The following ZMYND8 variants were observed in gnomAD, a reference collection of about 807,000 sequenced individuals.
The protein encoded by ZMYND8 is MYND-type zinc finger-containing chromatin reader ZMYND8.
In ZMYND8, 37 loss-of-function variants were observed where a neutral mutation model predicts 140.8. The observed-to-expected ratio is 0.26, with a 90% CI of 0.20 to 0.35. The LOEUF (loss-of-function observed/expected upper bound fraction) is 0.35, where lower values mean the gene tolerates loss of function less well. Ranked by LOEUF, ZMYND8 falls within the 10% of genes least tolerant of loss-of-function variation. ZMYND8 has a pLI of 1.00. For synonymous variants in ZMYND8, 592 were observed against 597.1 expected, an observed-to-expected ratio of 0.99 and a Z score of 0.12; for missense variants, 1,068 against 1,570.0, an observed-to-expected ratio of 0.68 and a Z score of 5.40.
chr20:47,300,073 T>C (rs1431668345), intron 3 of ZMYND8, among the ~76,000 whole-genome samples: 1 of 152,158 alleles, frequency 6.6e-6, no homozygotes, highest in Admixed American at 6.6e-5. Flanking sequence ...CTCTTCCTGG[T>C]ATATTATGGA....
At chr20:47,251,493 A>G (rs1443437898) in intron 12 of ZMYND8, among the ~76,000 whole-genome samples, 3 of 151,976 alleles carry the variant, frequency 2.0e-5, no homozygotes, top group African/African-American at 7.3e-5. Flanking sequence ...AGGCCGAAGT[A>G]GGAGGACTGC....
At position 47,275,905 on chromosome 20, in the gene ZMYND8, G is replaced by A. The variant is rs1052914224; in HGVS notation, c.1480+409C>T. 3.9e-5 allele frequency among the ~76,000 whole-genome samples: 6 copies of A among 152,210 alleles called. No individual in the cohort carries two copies. In the East Asian group the frequency reaches 7.7e-4, roughly 20 times the overall value. On this transcript the variant is annotated intron_variant, in intron 11 of 22. Coordinates refer to ENST00000471951, the MANE Select transcript of ZMYND8 (RefSeq NM_001281775.3). ...ACTACAGGCATGAGCCACGGCGCCTGGTCAAGTATTATTTTTTATCATATG... is the reference window on the plus strand; with the variant it reads ...ACTACAGGCATGAGCCACGGCGCCTAGTCAAGTATTATTTTTTATCATATG...
intron 8 of ZMYND8, among the ~76,000 whole-genome samples, chr20:47,285,514 G>A (rs2076866823): frequency 6.6e-6 from 1 of 152,186 alleles, no homozygotes; most frequent in African/African-American, 2.4e-5. Context: ...CGTTTTTACA[G>A]ATCACATCGT....
chr20:47,334,094 A>G (rs1269775286), intron 2 of ZMYND8, among the ~76,000 whole-genome samples: 1 of 152,192 alleles, frequency 6.6e-6, no homozygotes, highest in African/African-American at 2.4e-5. Context: ...CTATTGTATA[A>G]TAGTGTTGAC....
chr20:47,296,156 T>TA (rs900367792), intron 4 of ZMYND8, among the ~76,000 whole-genome samples: 21 of 152,186 alleles, frequency 1.4e-4, no homozygotes, highest in African/African-American at 4.6e-4. Context: ...CCCCGAATCT[T>TA]AGACACAGAG....
rs2080302074 is a variant in ZMYND8, at chr20:47,325,075, T to A, written c.86-14871A>T. Among the ~76,000 whole-genome samples the A allele has an allele frequency of 2.6e-5, 4 of 152,166 alleles. No homozygotes were observed. In the South Asian group the frequency reaches 8.3e-4, roughly 32 times the overall value. ...GTGCGCCACCACGCCCAGCTAATTTTTGTATTTTTGGTAGAGACGGGGTTT... is the reference window on the plus strand; with the variant it reads ...GTGCGCCACCACGCCCAGCTAATTTATGTATTTTTGGTAGAGACGGGGTTT... On this transcript the variant is annotated intron_variant, in intron 2 of 22. Transcript: ENST00000471951.
intron 16 of ZMYND8, among the ~76,000 whole-genome samples, chr20:47,233,933 T>C (rs534920351): frequency 3.7e-4 from 56 of 152,284 alleles, no homozygotes; most frequent in African/African-American, 1.3e-3. Flanking sequence ...CCATCTGTAA[T>C]CCCCTCCCTC....
chr20:47,313,486 G>A (rs1385984340), intron 2 of ZMYND8, among the ~76,000 whole-genome samples: 3 of 152,002 alleles, frequency 2.0e-5, no homozygotes, highest in East Asian at 1.9e-4. Flanking sequence ...GCCGGGCGTG[G>A]TGGCGGGCGC....
rs1385601495 is a variant in ZMYND8 at position 47,210,811 on chromosome 20, T to C, written c.3655A>G (p.Thr1219Ala). ...GACTCTTTCGGGAGGAGGCTCTTCG[T>C]GCTGGTACTGGTGTTGTGATCGGAA... ...TRSDHNTSTS[T>A]KSLLPKESRL... The change falls in exon 23 of 23, where the codon ACG (threonine) becomes GCG (alanine). Residue 1219 changes from threonine to alanine, a missense_variant. Thr to Ala is a moderately conservative substitution (Grantham distance 58). Around this residue, in one of 10 missense-constraint regions of ZMYND8, gnomAD observed 180 missense variants for 187.8 expected, o/e 0.96. Transcript: ENST00000471951. The C allele has an allele frequency of 3.1e-6, 5 of 1,614,072 alleles. No homozygotes were observed. The highest frequency in any genetic ancestry group is 4.2e-6 in the Non-Finnish European group (5 of 1,180,050).
At chr20:47,247,599 A>G (rs1349479113) in intron 13 of ZMYND8, among the ~76,000 whole-genome samples, 3 of 152,236 alleles carry the variant, frequency 2.0e-5, no homozygotes, top group Non-Finnish European at 4.4e-5. Flanking sequence ...TGTAGATAAT[A>G]ATACCATATC....
intron 2 of ZMYND8, among the ~76,000 whole-genome samples, chr20:47,332,028 C>A (rs1385297126): frequency 6.6e-6 from 1 of 151,982 alleles, no homozygotes; most frequent in Non-Finnish European, 1.5e-5. Context: ...ATGGTGAAAC[C>A]CCGTCTCTAC....
intron 22 of ZMYND8, 117 bp downstream of exon 22, chr20:47,212,525 A>G (rs1267591876): frequency 8.2e-7 from 1 of 1,218,148 alleles, no homozygotes; most frequent in East Asian, 2.4e-5. Context: ...CCCACAACTC[A>G]AAAGAACAGG....
intron 17 of ZMYND8, among the ~76,000 whole-genome samples, chr20:47,228,337 C>G (rs2037993063): frequency 1.3e-5 from 2 of 152,110 alleles, no homozygotes; most frequent in African/African-American, 4.8e-5. Context: ...CCGAGAAAAC[C>G]TGATTAATTC....
intron 18 of ZMYND8, among the ~76,000 whole-genome samples, chr20:47,226,132 CAA>C (rs1022594991): frequency 9.0e-5 from 12 of 133,538 alleles, no homozygotes; most frequent in Admixed American, 6.2e-4. Context: ...ACATGGGAAA[CAA>C]GAGTGAGACT....
At chr20:47,287,851 C>T (rs867901106) in intron 7 of ZMYND8, among the ~76,000 whole-genome samples, 1 of 150,034 alleles carries the variant, frequency 6.7e-6, no homozygotes, top group Admixed American at 6.6e-5. Flanking sequence ...CACACACACA[C>T]GCACACACGC....
chr20:47,210,642 G>A lies in ZMYND8; in HGVS notation c.*119C>T. ...CCGCGCCGGGGGCTCAGGCTCAACT[G>A]AGGGTTTTGTCATTTTCAAGTCTGA... On this transcript the variant is annotated 3_prime_UTR_variant, in exon 23 of 23. Coordinates refer to ENST00000471951, the MANE Select transcript of ZMYND8 (RefSeq NM_001281775.3). The A allele has an allele frequency of 6.4e-7, 1 of 1,567,274 alleles. No individual in the cohort carries two copies. Among genetic ancestry groups the A allele is most frequent in the Non-Finnish European group, 8.8e-7 (1 of 1,140,428 alleles).
At chr20:47,327,793 A>G (rs536749842) in intron 2 of ZMYND8, among the ~76,000 whole-genome samples, 1 of 152,260 alleles carries the variant, frequency 6.6e-6, no homozygotes, top group East Asian at 1.9e-4. Flanking sequence ...ACTTTCAGAT[A>G]ATTAAATCTA....
In ZMYND8 at chr20:47,248,392, C is replaced by T. The variant is rs544680076; in HGVS notation, c.1774+895G>A. On this transcript the variant is annotated intron_variant, in intron 13 of 22. Transcript: ENST00000471951. ...CCAATGTCCTCACCAAACAGGCAAC[C>T]CAACGGGAGCTGTTGTCCTCTGGAT... Among the ~76,000 whole-genome samples the T allele has an allele frequency of 2.0e-5, 3 of 152,330 alleles. No individual in the cohort carries two copies. In the South Asian group the frequency reaches 6.2e-4, roughly 32 times the overall value.
chr20:47,210,578 G>T lies in ZMYND8; in HGVS notation c.*183C>A, dbSNP rs1313328778. The stretch of plus-strand genomic sequence containing the variant: ...GGCTCGTGTGGGTGAACAGTCTGCA[G>T]TCAAAGCCGATGCTGGGTGTCCTGT... On this transcript the variant is annotated 3_prime_UTR_variant, in exon 23 of 23. Transcript: ENST00000471951. The T allele has an allele frequency of 1.2e-6, 1 of 825,510 alleles. No individual in the cohort carries two copies. The highest frequency in any genetic ancestry group is 1.9e-6 in the Non-Finnish European group (1 of 512,970). 51.1% of individuals were successfully genotyped at this position (825,510 alleles called of 1,614,324 possible).
Sources: allele counts gnomAD v4.1 joint callset (sites outside exome capture counted in the v4.1 genomes callset), GRCh38; gene constraint gnomAD v4.1.1; regional missense constraint gnomAD v4.1.1; transcripts MANE v1.5; gene names NCBI Gene and HGNC (gene_info 2026-07-23, HGNC 2026-07-21).